Variants in MYO3A observed in about 807,000 individuals in gnomAD.
MYO3A encodes the protein myosin IIIA.
In MYO3A, 180 loss-of-function variants were observed where a neutral mutation model predicts 192.7. The ratio of observed to expected loss-of-function variants is 0.93; its 90% CI spans 0.83 to 1.06. The LOEUF (loss-of-function observed/expected upper bound fraction) is 1.06. Ranked by LOEUF, MYO3A falls within the 50% of genes least tolerant of loss-of-function variation. The probability of loss-of-function intolerance (pLI) is 0.00; values close to 1 mark genes in which losing one functional copy is unlikely to be tolerated. For synonymous variants in MYO3A, 628 were observed against 645.3 expected, an observed-to-expected ratio of 0.97 and a Z score of 0.41; for missense variants, 1,896 against 1,905.0, an observed-to-expected ratio of 1.00 and a Z score of 0.09.
intron 32 of MYO3A, among the ~76,000 whole-genome samples, chr10:26,194,252 C>T (rs1196313082): frequency 6.6e-6 from 1 of 152,180 alleles, no homozygotes; most frequent in Non-Finnish European, 1.5e-5. Flanking sequence ...TGAGCATGCT[C>T]CTCCCTTAAT....
chr10:26,032,179 A>T (rs1453227247), intron 10 of MYO3A, among the ~76,000 whole-genome samples: 1 of 152,220 alleles, frequency 6.6e-6, no homozygotes, highest in Non-Finnish European at 1.5e-5. Flanking sequence ...GACCAAACAT[A>T]CTGGCTGTAT....
rs756915989 is a variant in MYO3A, at chr10:26,174,150, C to G, written c.3886C>G (p.Gln1296Glu). ...TACACTTAGCCAAAGGTCAATTTAT[C>G]AAAATGCAAACAGCATGGAAAAAGA... Reference protein sequence around the residue: ...EPTLSQRSIYQNANSMEKEKK... With the variant: ...EPTLSQRSIYENANSMEKEKK... The change falls in exon 30 of 35, where the codon CAA (glutamine) becomes GAA (glutamate). Residue 1296 changes from glutamine (Q) to glutamate (E), a missense_variant. Gln to Glu is a conservative substitution (Grantham distance 29, BLOSUM62 2). Transcript: ENST00000642920. 3.1e-6 allele frequency: 5 copies of G among 1,614,140 alleles called. No individual in the cohort carries two copies. In the East Asian group the frequency reaches 8.9e-5, roughly 29 times the overall value.
At chr10:26,124,903 A>C (rs1461157315) in intron 18 of MYO3A, among the ~76,000 whole-genome samples, 1 of 152,232 alleles carries the variant, frequency 6.6e-6, no homozygotes, top group Non-Finnish European at 1.5e-5. Context: ...CATGAATGTC[A>C]AGATAAGTTT....
intron 20 of MYO3A, among the ~76,000 whole-genome samples, chr10:26,135,323 A>G (rs569339746): frequency 6.6e-6 from 1 of 151,982 alleles, no homozygotes; most frequent in Non-Finnish European, 1.5e-5. Context: ...ACTTTATTAG[A>G]ATAATCTATT....
chr10:26,062,713 G>T (rs547027474), intron 10 of MYO3A, among the ~76,000 whole-genome samples: 4 of 152,116 alleles, frequency 2.6e-5, no homozygotes, highest in Admixed American at 1.3e-4. Flanking sequence ...GATGATAGAA[G>T]ATGTGATCAA....
chr10:25,948,930 G>A (rs902852347), intron 2 of MYO3A, among the ~76,000 whole-genome samples: 5 of 151,828 alleles, frequency 3.3e-5, no homozygotes, highest in African/African-American at 1.2e-4. Flanking sequence ...ACACTATATT[G>A]ATACACTGCT....
intron 20 of MYO3A, among the ~76,000 whole-genome samples, chr10:26,131,245 CAGT>C (rs1478887617): frequency 2.0e-5 from 3 of 152,198 alleles, no homozygotes; most frequent in Admixed American, 2.0e-4. Flanking sequence ...TTGTAATAGA[CAGT>C]GGGACACTCC....
At chr10:26,024,122 A>G (rs1488000766) in intron 9 of MYO3A, 35 bp downstream of exon 9, 4 of 1,545,682 alleles carry the variant, frequency 2.6e-6, no homozygotes, top group Non-Finnish European at 2.7e-6. Context: ...AACCAAAGAT[A>G]TTCCCTCCTG....
At chr10:26,199,754 T>C (rs1281645586) in intron 32 of MYO3A, among the ~76,000 whole-genome samples, 2 of 151,998 alleles carry the variant, frequency 1.3e-5, no homozygotes, top group South Asian at 2.1e-4. Context: ...GGCAGAACAT[T>C]ATTTGATTCT....
intron 10 of MYO3A, among the ~76,000 whole-genome samples, chr10:26,059,652 T>C (rs1312144028): frequency 6.6e-6 from 1 of 152,262 alleles, no homozygotes; most frequent in East Asian, 1.9e-4. Flanking sequence ...TTCCACTTTA[T>C]ATATTACTTT....
intron 4 of MYO3A, among the ~76,000 whole-genome samples, chr10:25,982,373 C>T (rs761868895): frequency 3.9e-5 from 6 of 152,280 alleles, no homozygotes; most frequent in South Asian, 2.1e-4. Context: ...TGGCCCTGCT[C>T]ACCACCTGAG....
At chr10:26,069,823 A>G (rs1835084870) in intron 12 of MYO3A, among the ~76,000 whole-genome samples, 1 of 152,020 alleles carries the variant, frequency 6.6e-6, no homozygotes, top group Non-Finnish European at 1.5e-5. Flanking sequence ...TACATAATGG[A>G]ATTTTGAAAC....
At chr10:26,202,896 T>C (rs1294080072) in intron 33 of MYO3A, 68 bp from the exon 34 acceptor site, 2 of 1,549,882 alleles carry the variant, frequency 1.3e-6, no homozygotes, top group African/African-American at 2.7e-5. Context: ...GAAAAAAAAG[T>C]ATCCTGTAAG....
Position 26,174,247 on chromosome 10 carries a change from A to G in MYO3A, c.3983A>G (p.His1328Arg), listed in dbSNP as rs1842199714. The G allele has an allele frequency of 1.9e-6, 3 of 1,614,196 alleles. No individual in the cohort carries two copies. The highest frequency in any genetic ancestry group is 2.5e-6 in the Non-Finnish European group (3 of 1,180,040). ...GAGGAAGGCAGAGGCCGTCTGAGGC[A>G]TGAGACAGTCAAAGAGAGGCAAGTT... ...SQEEGRGRLRHETVKERQVEP... is the reference protein window; with the variant it reads ...SQEEGRGRLRRETVKERQVEP... Residue 1328 changes from histidine to arginine, a missense_variant, in exon 30 of 35, where the codon CAT becomes CGT. Physicochemically the swap from His to Arg is conservative, Grantham distance 29. Transcript: ENST00000642920.
At chr10:25,992,855 A>T (rs1246189798) in intron 4 of MYO3A, among the ~76,000 whole-genome samples, 1 of 152,228 alleles carries the variant, frequency 6.6e-6, no homozygotes, top group Non-Finnish European at 1.5e-5. Context: ...CCAGGGATGA[A>T]GCCCACTTGA....
intron 24 of MYO3A, 146 bp from the exon 25 acceptor site, chr10:26,154,600 A>C: frequency 1.4e-6 from 1 of 707,842 alleles, no homozygotes; most frequent in South Asian, 1.6e-5. Context: ...CAAAACAATT[A>C]CCTAAAGGAA....
At chr10:26,002,623 C>T (rs536929889) in intron 6 of MYO3A, among the ~76,000 whole-genome samples, 7,629 of 140,538 alleles carry the variant, frequency 0.054, 540 homozygotes, top group African/African-American at 0.16. Flanking sequence ...CAGGGTGGAC[C>T]AGGTAATCGG....
intron 4 of MYO3A, among the ~76,000 whole-genome samples, chr10:25,992,156 G>C (rs942139708): frequency 6.6e-6 from 1 of 152,116 alleles, no homozygotes; most frequent in African/African-American, 2.4e-5. Context: ...GCATGGAATG[G>C]TCTTCCATTT....
At position 26,008,793 on chromosome 10, in the gene MYO3A, G is replaced by T. The variant is rs546364996; in HGVS notation, c.509-8027G>T. Among the ~76,000 whole-genome samples the T allele has an allele frequency of 2.8e-4, 43 of 152,130 alleles. No individual in the cohort carries two copies. In the South Asian group the frequency reaches 4.8e-3, roughly 17 times the overall value. ...ACACTGTTGGTGGGACTGTAGACTAGTTCAACCATTGTGGAAGTCAGTGTG... is the reference window on the plus strand; with the variant it reads ...ACACTGTTGGTGGGACTGTAGACTATTTCAACCATTGTGGAAGTCAGTGTG... On this transcript the variant is annotated intron_variant, in intron 6 of 34. Coordinates refer to ENST00000642920, the MANE Select transcript of MYO3A (RefSeq NM_017433.5).
Sources: gnomAD v4.1 joint callset for allele counts (sites outside exome capture counted in the v4.1 genomes callset) on GRCh38, gnomAD v4.1.1 for gene constraint, MANE v1.5 for transcripts, NCBI Gene and HGNC (gene_info 2026-07-23, HGNC 2026-07-21) for gene names.